The following XYLT1 variants were observed in gnomAD, a reference collection of about 807,000 sequenced individuals.
The protein encoded by XYLT1 is beta-D-xylosyltransferase 1.
XYLT1 carries 36 observed loss-of-function variants against 91.3 expected under a neutral mutation model. The ratio of observed to expected loss-of-function variants is 0.39; its 90% CI spans 0.30 to 0.52. The LOEUF (loss-of-function observed/expected upper bound fraction) is 0.52, where lower values mean the gene tolerates loss of function less well. XYLT1 is among the 20% of genes least tolerant of loss of function. The pLI, the probability that XYLT1 is intolerant of heterozygous loss-of-function variation, is 0.68. For synonymous variants in XYLT1, 588 were observed against 532.0 expected, an observed-to-expected ratio of 1.11 and a Z score of -1.45; for missense variants, 1,242 against 1,284.5, an observed-to-expected ratio of 0.97 and a Z score of 0.51.
intron 2 of XYLT1, among the ~76,000 whole-genome samples, chr16:17,320,768 C>T (rs1293270586): frequency 6.6e-6 from 1 of 151,690 alleles, no homozygotes; most frequent in Non-Finnish European, 1.5e-5. Context: ...GTATGAGCCA[C>T]CGCATCTGGC....
At chr16:17,428,230 C>T (rs935424910) in intron 1 of XYLT1, among the ~76,000 whole-genome samples, 10 of 152,150 alleles carry the variant, frequency 6.6e-5, no homozygotes, top group Non-Finnish European at 1.0e-4. Flanking sequence ...ATGATCTGCC[C>T]GCCTCAGCCT....
intron 3 of XYLT1, among the ~76,000 whole-genome samples, chr16:17,229,954 A>G (rs2033133605): frequency 6.6e-6 from 1 of 152,226 alleles, no homozygotes; most frequent in Admixed American, 6.5e-5. Context: ...GGCCATGTGA[A>G]GACATGCAGG....
At chr16:17,261,589 A>T (rs181542416) in intron 2 of XYLT1, among the ~76,000 whole-genome samples, 1 of 152,312 alleles carries the variant, frequency 6.6e-6, no homozygotes, top group Non-Finnish European at 1.5e-5. Context: ...GCAAGCTGAC[A>T]CTGAACCACA....
chr16:17,294,917 A>G (rs1206742026), intron 2 of XYLT1, among the ~76,000 whole-genome samples: 1 of 152,220 alleles, frequency 6.6e-6, no homozygotes, highest in Non-Finnish European at 1.5e-5. Context: ...GGAGGCATCT[A>G]CGAAGAATGG....
intron 1 of XYLT1, among the ~76,000 whole-genome samples, chr16:17,408,489 C>G (rs1043659259): frequency 6.6e-6 from 1 of 152,208 alleles, no homozygotes; most frequent in Non-Finnish European, 1.5e-5. Flanking sequence ...GGAAAAATTC[C>G]TCCAGTGTAT....
At chr16:17,308,636 T>C (rs550443362) in intron 2 of XYLT1, among the ~76,000 whole-genome samples, 5 of 152,274 alleles carry the variant, frequency 3.3e-5, no homozygotes, top group South Asian at 2.1e-4. Context: ...CCACAATCCC[T>C]AGCTTCTTTA....
chr16:17,310,542 A>G (rs147384726), intron 2 of XYLT1, among the ~76,000 whole-genome samples: 1 of 152,174 alleles, frequency 6.6e-6, no homozygotes, highest in Non-Finnish European at 1.5e-5. Flanking sequence ...CTGTGGAATA[A>G]GTAAGTGCAT....
intron 5 of XYLT1, among the ~76,000 whole-genome samples, chr16:17,162,999 T>C (rs1301228369): frequency 1.3e-5 from 2 of 152,378 alleles, no homozygotes; most frequent in African/African-American, 4.8e-5. Flanking sequence ...GTACTTGGCA[T>C]ATAGTAATCC....
intron 1 of XYLT1, among the ~76,000 whole-genome samples, chr16:17,408,155 C>A (rs956681867): frequency 6.6e-6 from 1 of 152,158 alleles, no homozygotes; most frequent in South Asian, 2.1e-4. Flanking sequence ...ACAAAATATA[C>A]GATGATAGCC....
intron 2 of XYLT1, among the ~76,000 whole-genome samples, chr16:17,327,759 A>T (rs1452439800): frequency 1.3e-5 from 2 of 151,808 alleles, no homozygotes; most frequent in Non-Finnish European, 2.9e-5. Flanking sequence ...TTATGCTTGG[A>T]TTTCACAGGC....
chr16:17,303,187 C>A (rs1195142544), intron 2 of XYLT1, among the ~76,000 whole-genome samples: 1 of 152,172 alleles, frequency 6.6e-6, no homozygotes, highest in Non-Finnish European at 1.5e-5. Context: ...GTGGTTCCTG[C>A]CCTCATGGAA....
intron 1 of XYLT1, among the ~76,000 whole-genome samples, chr16:17,464,708 CATT>C (rs758111919): frequency 4.5e-4 from 68 of 151,952 alleles, no homozygotes; most frequent in Non-Finnish European, 8.1e-4. Flanking sequence ...GCCATGCAGT[CATT>C]ATTATTATTA....
chr16:17,274,258 C>T (rs1173812605), intron 2 of XYLT1, among the ~76,000 whole-genome samples: 1 of 152,146 alleles, frequency 6.6e-6, no homozygotes, highest in Non-Finnish European at 1.5e-5. Flanking sequence ...CTTCTTCATA[C>T]TATTTTAGCA....
Position 17,109,011 on chromosome 16 carries a change from G to T in XYLT1, c.2564C>A (p.Ala855Glu). 6.6e-7 allele frequency: 1 copy of T among 1,511,786 alleles called. No individual in the cohort carries two copies. The allele number at this position is 1,511,786 out of a possible 1,614,324, so 93.6% of individuals were successfully genotyped here. ...GAGGGGCCCATTGTGCAGCTTCAGT[G>T]CCTCCTCTGAAAGCCAAAGGGAACA... ...SNRQPIKPEE[A>E]LKLHNGPLRN... Residue 855 changes from alanine (A) to glutamate (E), a missense_variant, in exon 12 of 12, where the codon GCA (alanine) becomes GAA (glutamate). Around this residue, in one of 3 missense-constraint regions of XYLT1, gnomAD observed 511 missense variants for 497.0 expected, o/e 1.03. Coordinates refer to ENST00000261381, the MANE Select transcript of XYLT1 (RefSeq NM_022166.4).
At chr16:17,197,014 A>ATATATATATATATATATAT (rs1597184723) in intron 5 of XYLT1, among the ~76,000 whole-genome samples, 18 of 110,506 alleles carry the variant, frequency 1.6e-4, no homozygotes, top group African/African-American at 8.1e-4. Flanking sequence ...CTGTCTCCAA[A>ATATATATATATATATATAT]ATATATATAT....
At chr16:17,204,966 C>CAAAA (rs530525798) in intron 3 of XYLT1, among the ~76,000 whole-genome samples, 4 of 81,282 alleles carry the variant, frequency 4.9e-5, no homozygotes, top group Admixed American at 1.5e-4. Flanking sequence ...TGCCCAGCTC[C>CAAAA]AAAAAAAAAA....
intron 3 of XYLT1, among the ~76,000 whole-genome samples, chr16:17,238,551 C>T (rs574797455): frequency 1.3e-5 from 2 of 152,300 alleles, no homozygotes; most frequent in Admixed American, 1.3e-4. Flanking sequence ...GGACCCAGGA[C>T]CCCTGTCTTA....
At chr16:17,201,622 G>A (rs974724275) in intron 3 of XYLT1, among the ~76,000 whole-genome samples, 4 of 151,878 alleles carry the variant, frequency 2.6e-5, no homozygotes, top group Non-Finnish European at 4.4e-5. Flanking sequence ...TTACAGGCAC[G>A]CAACACCATG....
chr16:17,347,748 C>G (rs2035163618), intron 2 of XYLT1, among the ~76,000 whole-genome samples: 1 of 152,222 alleles, frequency 6.6e-6, no homozygotes, highest in African/African-American at 2.4e-5. Flanking sequence ...GGGGCCCGGT[C>G]AGGGTCCCTG....
Sources: allele counts gnomAD v4.1 joint callset (sites outside exome capture counted in the v4.1 genomes callset), GRCh38; gene constraint gnomAD v4.1.1; regional missense constraint gnomAD v4.1.1; transcripts MANE v1.5; gene names NCBI Gene and HGNC (gene_info 2026-07-23, HGNC 2026-07-21).